The following PCNX4 variants were observed in gnomAD, a reference collection of about 807,000 sequenced individuals.
The protein encoded by PCNX4 is pecanex 4.
PCNX4 carries 103 observed loss-of-function variants against 107.2 expected under a neutral mutation model. That is an observed-to-expected ratio of 0.96 (90% CI 0.82 to 1.13). The LOEUF (loss-of-function observed/expected upper bound fraction) is 1.13. PCNX4 is among the 50% of genes most tolerant of loss of function. PCNX4 has a pLI of 0.00. For synonymous variants in PCNX4, 541 were observed against 481.7 expected (o/e 1.12, Z -1.61); for missense variants, 1,528 against 1,379.4 (o/e 1.11, Z -1.71).
chr14:60,097,680 C>T (rs765307629), intron 1 of PCNX4, among the ~76,000 whole-genome samples: 10 of 152,222 alleles, frequency 6.6e-5, no homozygotes, highest in Non-Finnish European at 1.3e-4. Context: ...AATACCAAAA[C>T]AACCAGACAG....
In PCNX4 at chr14:60,139,538, CAG is replaced by C. The variant is rs1262119234; in HGVS notation, c.*5319_*5320del. 2 of 151,962 alleles carry C rather than the reference CAG, an allele frequency of 1.3e-5. No individual in the cohort carries two copies. The highest frequency in any genetic ancestry group is 2.9e-5 in the Non-Finnish European group (2 of 67,922). The allele number at this position is 151,962 out of a possible 1,614,324, so 9.4% of individuals were successfully genotyped here. A position where few individuals can be genotyped will look rare whatever the true frequency, so the allele number is the denominator to read the frequency against. ...TCCCAGATTTTAATATACTCAGTAA[CAG>C]AACAGCAGCCATGCAAAAATACGTA... On this transcript the variant is annotated 3_prime_UTR_variant, in exon 11 of 11. Coordinates refer to ENST00000406854, the MANE Select transcript of PCNX4 (RefSeq NM_001330177.2).
chr14:60,109,297 G>A (rs1895690828), intron 2 of PCNX4: 1 of 167,122 alleles, frequency 6.0e-6, no homozygotes, highest in African/African-American at 2.4e-5. Context: ...TCAGCTTATG[G>A]CATTTTTTTA....
intron 10 of PCNX4, 24 bp downstream of exon 10, chr14:60,125,847 T>G (rs762576338): frequency 1.3e-6 from 2 of 1,486,634 alleles, no homozygotes; most frequent in South Asian, 2.5e-5. Flanking sequence ...ATTTTTAAAC[T>G]TACATATACT....
chr14:60,101,492 A>G (rs1002380499), intron 1 of PCNX4, among the ~76,000 whole-genome samples: 1 of 152,252 alleles, frequency 6.6e-6, no homozygotes, highest in African/African-American at 2.4e-5. Context: ...GTCTCCTGAA[A>G]GTACAACAAA....
chr14:60,123,360 T>TATGGTTGTGTATACACAA (rs1895989746), intron 8 of PCNX4, among the ~76,000 whole-genome samples: 1 of 152,086 alleles, frequency 6.6e-6, no homozygotes, highest in South Asian at 2.1e-4. Flanking sequence ...CCATATACAC[T>TATGGTTGTGTATACACAA]AGGATTATTT....
chr14:60,125,732 G>C lies in PCNX4; in HGVS notation c.3176G>C (p.Trp1059Ser), dbSNP rs1461319545. ...IKYLEEYERD[W>S]YIGLVSDEKW... ...TACCTTGAAGAATATGAACGTGACT[G>C]GTACATTGGTTTGGTATCTGATGAA... Residue 1059 changes from tryptophan to serine, a missense_variant, in exon 10 of 11, where the codon TGG (tryptophan) becomes TCG (serine). Coordinates refer to ENST00000406854, the MANE Select transcript of PCNX4 (RefSeq NM_001330177.2). The C allele has an allele frequency of 6.2e-7, 1 of 1,610,698 alleles. No homozygotes were observed. Among genetic ancestry groups the C allele is most frequent in the Admixed American group, 1.7e-5 (1 of 59,650 alleles).
At chr14:60,106,150 T>A (rs1284837325) in intron 1 of PCNX4, among the ~76,000 whole-genome samples, 1 of 152,164 alleles carries the variant, frequency 6.6e-6, no homozygotes, top group African/African-American at 2.4e-5. Context: ...TTTGGCCCTG[T>A]AGTTCTGTTA....
intron 1 of PCNX4, among the ~76,000 whole-genome samples, chr14:60,100,511 C>T (rs1363213509): frequency 6.6e-6 from 1 of 152,180 alleles, no homozygotes; most frequent in Non-Finnish European, 1.5e-5. Context: ...GTTGGCCAGG[C>T]TGGTCTTGAA....
Position 60,145,418 on chromosome 14 carries a change from C to T in PCNX4, c.*11197C>T, listed in dbSNP as rs1284988697. Reference sequence around the variant, plus strand: ...TTGTGGCCAGGCAGGCACTGTGGCTCATGCCTGTAATCCCAGCACTTTGGG... The same window carrying T: ...TTGTGGCCAGGCAGGCACTGTGGCTTATGCCTGTAATCCCAGCACTTTGGG... On this transcript the variant is annotated 3_prime_UTR_variant, in exon 11 of 11. Coordinates refer to ENST00000406854, the MANE Select transcript of PCNX4 (RefSeq NM_001330177.2). This position sits in a 1 kb window ranked among gnomAD's most constrained non-coding sequence, Gnocchi z 4.0. 2.0e-5 allele frequency: 3 copies of T among 152,918 alleles called. No homozygotes were observed. The highest frequency in any genetic ancestry group is 2.0e-4 in the Admixed American group (3 of 15,310). The allele number at this position is 152,918 out of a possible 1,614,324, so 9.5% of individuals were successfully genotyped here. A position where few individuals can be genotyped will look rare whatever the true frequency, so the allele number is the denominator to read the frequency against.
chr14:60,129,424 C>T (rs1289300285), intron 10 of PCNX4, among the ~76,000 whole-genome samples: 1 of 151,770 alleles, frequency 6.6e-6, no homozygotes, highest in Non-Finnish European at 1.5e-5. Context: ...TGGTGGCGTG[C>T]ATTTGTAGTC....
Position 60,146,051 on chromosome 14 carries a change from GGA to G in PCNX4, c.*11836_*11837del, listed in dbSNP as rs1243334095. On this transcript the variant is annotated 3_prime_UTR_variant, in exon 11 of 11. Transcript: ENST00000406854. The surrounding 1 kb of genome is among the most constrained non-coding windows in gnomAD (Gnocchi z 4.9). ...CATATATATAAAATATAAAATAGTG[GGA>G]GAGAGGAAGAGTACAGACTATAAAG... 1 of 150,276 alleles carries G rather than the reference GGA, an allele frequency of 6.7e-6. No individual in the cohort carries two copies. The highest frequency in any genetic ancestry group is 1.5e-5 in the Non-Finnish European group (1 of 67,632). The allele number at this position is 150,276 out of a possible 1,614,324, so 9.3% of individuals were successfully genotyped here.
intron 2 of PCNX4, 54 bp downstream of exon 2, chr14:60,108,381 AAG>A: frequency 2.3e-6 from 3 of 1,330,692 alleles, no homozygotes; most frequent in South Asian, 1.5e-5. Context: ...TATACAGAGT[AAG>A]AGAGCTTTCC....
In PCNX4 at chr14:60,138,984, A is replaced by C. The variant is rs1425791051; in HGVS notation, c.*4763A>C. 1 of 136,788 alleles carries C rather than the reference A, an allele frequency of 7.3e-6. No individual in the cohort carries two copies. The highest frequency in any genetic ancestry group is 3.3e-5 in the African/African-American group (1 of 30,608). 8.5% of individuals were successfully genotyped at this position (136,788 alleles called of 1,614,324 possible). On this transcript the variant is annotated 3_prime_UTR_variant, in exon 11 of 11. Transcript: ENST00000406854. ...TCTATAGGGTAACCACTAAAAGAAC[A>C]GCAAAAAGCAAAATAAAACAATCGT...
chr14:60,106,245 G>C (rs1210540559), intron 1 of PCNX4, among the ~76,000 whole-genome samples: 3 of 152,110 alleles, frequency 2.0e-5, no homozygotes, highest in African/African-American at 7.2e-5. Context: ...GGATGTTCAA[G>C]TCTCTGATAT....
intron 10 of PCNX4, among the ~76,000 whole-genome samples, chr14:60,132,671 A>G (rs184338908): frequency 5.3e-5 from 8 of 152,194 alleles, no homozygotes; most frequent in East Asian, 1.9e-4. Context: ...TAAAAAGACA[A>G]CTCACAGAAT....
intron 7 of PCNX4, among the ~76,000 whole-genome samples, chr14:60,120,071 C>T (rs1895926575): frequency 6.6e-6 from 1 of 152,094 alleles, no homozygotes; most frequent in Admixed American, 6.6e-5. Context: ...CAAGACTACC[C>T]CAGGTTTGAT....
rs949435500 is a variant in PCNX4 at position 60,144,764 on chromosome 14, T to C, written c.*10543T>C. 1.8e-6 allele frequency: 1 copy of C among 553,174 alleles called. No homozygotes were observed. Among genetic ancestry groups the C allele is most frequent in the Admixed American group, 3.3e-5 (1 of 30,698 alleles). The allele number at this position is 553,174 out of a possible 1,614,324, so 34.3% of individuals were successfully genotyped here. ...AAGGTTATTTTATCCAAGAATATAG[T>C]ATGAGTTAATACCTTTTTTGCAAGA... On this transcript the variant is annotated 3_prime_UTR_variant, in exon 11 of 11. Transcript: ENST00000406854.
Position 60,127,914 on chromosome 14 carries a change from A to C in PCNX4, c.3267+2091A>C, listed in dbSNP as rs1595178275. Among the ~76,000 whole-genome samples the C allele has an allele frequency of 1.3e-5, 2 of 152,288 alleles. 1 individual carries two copies. The highest frequency in any genetic ancestry group is 3.9e-4 in the East Asian group (2 of 5,190). On this transcript the variant is annotated intron_variant, in intron 10 of 10. Coordinates refer to ENST00000406854, the MANE Select transcript of PCNX4 (RefSeq NM_001330177.2). Reference sequence around the variant, plus strand: ...ATGGTGACAATCACATCAAATAGAGAATGTATGTAGAGATAGAAATTATAA... The same window carrying C: ...ATGGTGACAATCACATCAAATAGAGCATGTATGTAGAGATAGAAATTATAA...
chr14:60,104,931 C>T (rs925623248), intron 1 of PCNX4, among the ~76,000 whole-genome samples: 3 of 152,174 alleles, frequency 2.0e-5, no homozygotes, highest in Admixed American at 6.5e-5. Flanking sequence ...ATGCCGTATA[C>T]TAATACGTGT....
Sources: allele counts gnomAD v4.1 joint callset (sites outside exome capture counted in the v4.1 genomes callset), GRCh38; gene constraint gnomAD v4.1.1; non-coding constraint Gnocchi (gnomAD v3.1); transcripts MANE v1.5; gene names NCBI Gene and HGNC (gene_info 2026-07-23, HGNC 2026-07-21).